The following C9orf72 variants were observed in gnomAD, a reference collection of about 807,000 sequenced individuals.
C9orf72 encodes the protein C9orf72-SMCR8 complex subunit, also known as guanine nucleotide exchange factor C9orf72.
C9orf72 carries 44 observed loss-of-function variants against 51.6 expected under a neutral mutation model. The observed-to-expected ratio is 0.85, with a 90% confidence interval of 0.67 to 1.10. The LOEUF (loss-of-function observed/expected upper bound fraction) is 1.10, where lower values mean the gene tolerates loss of function less well. Ranked by LOEUF, C9orf72 falls within the 50% of genes least tolerant of loss-of-function variation. The pLI is 0.00. For synonymous variants in C9orf72, 213 were observed against 194.2 expected, an observed-to-expected ratio of 1.10 and a Z score of -0.81; for missense variants, 607 against 570.6, an observed-to-expected ratio of 1.06 and a Z score of -0.65.
At chr9:27,550,578 G>A (rs1382988228) in intron 9 of C9orf72, 72 bp downstream of exon 9, 3 of 896,488 alleles carry the variant, frequency 3.3e-6, no homozygotes, top group Non-Finnish European at 5.4e-6. Flanking sequence ...TATAGAACAG[G>A]CATTGTAGGA....
At position 27,548,439 on chromosome 9, in the gene C9orf72, A is replaced by AGG. The variant is rs767652287; in HGVS notation, c.1260-18_1260-17insCC. On this transcript the variant is annotated splice_polypyrimidine_tract_variant and intron_variant, in intron 10 of 10. Coordinates refer to ENST00000380003, the MANE Select transcript of C9orf72 (RefSeq NM_018325.5). ...CCCTTCTGCCTAAAAATAATGGAAA[A>AGG]AAAAAAAAAAAAAAAAAAAAAAGAA... The AGG allele has an allele frequency of 5.7e-6, 4 of 698,432 alleles. No homozygotes were observed. The highest frequency in any genetic ancestry group is 1.9e-4 in the Admixed American group (2 of 10,326). The allele number at this position is 698,432 out of a possible 1,614,324, so 43.3% of individuals were successfully genotyped here.
chr9:27,560,456 G>A (rs1367741832), intron 5 of C9orf72, 157 bp from the exon 6 acceptor site: 2 of 621,768 alleles, frequency 3.2e-6, no homozygotes, highest in Non-Finnish European at 5.0e-6. Flanking sequence ...ATTTGTATAG[G>A]AACCTACATT....
At chr9:27,563,065 A>C (rs1365546308) in intron 3 of C9orf72, among the ~76,000 whole-genome samples, 2 of 152,064 alleles carry the variant, frequency 1.3e-5, no homozygotes, top group African/African-American at 4.8e-5. Flanking sequence ...AATATATTTC[A>C]TATTTAAAAA....
At chr9:27,558,257 T>C (rs1050154172) in intron 7 of C9orf72, among the ~76,000 whole-genome samples, 13 of 150,598 alleles carry the variant, frequency 8.6e-5, no homozygotes, top group Admixed American at 7.9e-4. Context: ...AGGCTAGACA[T>C]GTAGGAACAG....
At chr9:27,557,181 A>C (rs1447443999) in intron 7 of C9orf72, among the ~76,000 whole-genome samples, 1 of 152,172 alleles carries the variant, frequency 6.6e-6, no homozygotes, top group Non-Finnish European at 1.5e-5. Flanking sequence ...ATACATGCAA[A>C]AGGGAAAAAA....
At chr9:27,572,706 A>C (rs558554567) in intron 1 of C9orf72, among the ~76,000 whole-genome samples, 1 of 152,332 alleles carries the variant, frequency 6.6e-6, no homozygotes, top group African/African-American at 2.4e-5. Context: ...CAACGCGGCC[A>C]GATAGACCCA....
chr9:27,550,192 A>G (rs1820878051), intron 9 of C9orf72, among the ~76,000 whole-genome samples: 1 of 150,880 alleles, frequency 6.6e-6, no homozygotes, highest in Non-Finnish European at 1.5e-5. Context: ...ATATATATAC[A>G]CACACAAACA....
chr9:27,548,526 G>T (rs1361650023), intron 10 of C9orf72, 31 bp downstream of exon 10: 2 of 1,493,186 alleles, frequency 1.3e-6, no homozygotes, highest in Admixed American at 1.8e-5. Context: ...AATGTACAAA[G>T]GTTTTTCTTC....
chr9:27,555,392 T>C (rs1587304999), intron 8 of C9orf72, among the ~76,000 whole-genome samples: 1 of 152,170 alleles, frequency 6.6e-6, no homozygotes, highest in Non-Finnish European at 1.5e-5. Context: ...ACTTACTGTG[T>C]AATTACTGGT....
intron 7 of C9orf72, among the ~76,000 whole-genome samples, chr9:27,558,228 T>TAA (rs369338530): frequency 1.1e-4 from 16 of 144,886 alleles, no homozygotes; most frequent in South Asian, 2.2e-4. Flanking sequence ...AAGCATGTGT[T>TAA]AAAAAAAAAA....
intron 8 of C9orf72, among the ~76,000 whole-genome samples, chr9:27,556,190 TG>T (rs1320474382): frequency 6.6e-6 from 1 of 152,168 alleles, no homozygotes; most frequent in Non-Finnish European, 1.5e-5. Flanking sequence ...TCTTTGGTTT[TG>T]TTAATAAGTC....
chr9:27,567,199 C>G, intron 1 of C9orf72, 35 bp from the exon 2 acceptor site: 1 of 1,265,174 alleles, frequency 7.9e-7, no homozygotes, highest in Non-Finnish European at 1.1e-6. Flanking sequence ...TGATTAGGTT[C>G]AGCAATTTAA....
intron 5 of C9orf72, chr9:27,561,235 T>C: frequency 9.5e-7 from 1 of 1,056,554 alleles, no homozygotes; most frequent in Non-Finnish European, 1.1e-6. Flanking sequence ...ATGAATAATT[T>C]TGTTCTACGC....
In C9orf72 at chr9:27,548,538, G is replaced by A. The variant is rs115623999; in HGVS notation, c.1259+19C>T. ...AACAATGTACAAAGGTTTTTCTTCC[G>A]TGTAGGAGTTTTACTCACGTATCGT... is the stretch of plus-strand genomic sequence containing the variant. On this transcript the variant is annotated intron_variant, in intron 10 of 10. Transcript: ENST00000380003. 1.4e-3 allele frequency: 2,080 copies of A among 1,523,676 alleles called. 24 individuals carry two copies. The African/African-American group carries it at 0.025, about 18-fold the overall frequency. The allele number at this position is 1,523,676 out of a possible 1,614,324, so 94.4% of individuals were successfully genotyped here.
At chr9:27,560,692 T>A in intron 5 of C9orf72, 2 of 988,478 alleles carry the variant, frequency 2.0e-6, no homozygotes, top group Non-Finnish European at 2.4e-6. Flanking sequence ...TGCTTCTGAT[T>A]CAAGCCATTA....
chr9:27,560,256 C>A lies in C9orf72; in HGVS notation c.709G>T (p.Val237Leu). The part of the protein sequence containing the change: ...HLQTCGCSVV[V>L]GSSAEKVNKI... ...TTTACTTTCTCTGCACTGCTACCTA[C>A]TACAACGGAACAGCCACAGGTTTGC... The change falls in exon 6 of 11, where the codon GTA becomes TTA. Residue 237 changes from valine (V) to leucine (L), a missense_variant. Transcript: ENST00000380003. 1 of 1,610,384 alleles carries A rather than the reference C, an allele frequency of 6.2e-7. No homozygotes were observed. Among genetic ancestry groups the A allele is most frequent in the Non-Finnish European group, 8.5e-7 (1 of 1,177,868 alleles).
Position 27,547,227 on chromosome 9 carries a change from G to C in C9orf72, c.*1009C>G, listed in dbSNP as rs575810513. On this transcript the variant is annotated 3_prime_UTR_variant, in exon 11 of 11. Transcript: ENST00000380003. ...TTCAAAAACATAGGCAGAAATGCAAGAAGGAAGTACTCAAGGAACTATTTT... is the reference window on the plus strand; with the variant it reads ...TTCAAAAACATAGGCAGAAATGCAACAAGGAAGTACTCAAGGAACTATTTT... 28 of 152,694 alleles carry C rather than the reference G, an allele frequency of 1.8e-4. No individual in the cohort carries two copies. The highest frequency in any genetic ancestry group is 1.7e-3 in the Admixed American group (26 of 15,292). The allele number at this position is 152,694 out of a possible 1,614,324, so 9.5% of individuals were successfully genotyped here.
intron 1 of C9orf72, among the ~76,000 whole-genome samples, chr9:27,568,669 T>G (rs1320139536): frequency 6.6e-6 from 1 of 152,260 alleles, no homozygotes; most frequent in Admixed American, 6.5e-5. Context: ...ATTGCCTTAG[T>G]GACACTGTAA....
At chr9:27,558,080 T>C (rs1819251636) in intron 7 of C9orf72, among the ~76,000 whole-genome samples, 1 of 149,646 alleles carries the variant, frequency 6.7e-6, no homozygotes, top group South Asian at 2.1e-4. Context: ...TATAGAAATA[T>C]ATATATTTTA....
Sources: gnomAD v4.1 joint callset for allele counts (sites outside exome capture counted in the v4.1 genomes callset) on GRCh38, gnomAD v4.1.1 for gene constraint, MANE v1.5 for transcripts, NCBI Gene and HGNC (gene_info 2026-07-23, HGNC 2026-07-21) for gene names.